The following CLSTN2 variants were observed in gnomAD, a reference collection of about 807,000 sequenced individuals.
The protein encoded by CLSTN2 is calsyntenin-2.
In CLSTN2, 48 loss-of-function variants were observed where a neutral mutation model predicts 101.2. That is an observed-to-expected ratio of 0.47 (90% CI 0.38 to 0.60). The LOEUF is 0.60. Ranked by LOEUF, CLSTN2 falls within the 20% of genes least tolerant of loss-of-function variation. The pLI, the probability that CLSTN2 is intolerant of heterozygous loss-of-function variation, is 0.00. For missense variants in CLSTN2, 1,160 were observed against 1,238.2 expected (o/e 0.94, Z 0.95); for synonymous variants, 481 against 463.6 (o/e 1.04, Z -0.48).
intron 8 of CLSTN2, among the ~76,000 whole-genome samples, chr3:140,485,286 C>A (rs1934213473): frequency 6.6e-6 from 1 of 152,186 alleles, no homozygotes; most frequent in Non-Finnish European, 1.5e-5. Flanking sequence ...TGGTGAACAG[C>A]AAATGTTGCT....
chr3:140,411,082 A>T (rs2088357879), intron 4 of CLSTN2, among the ~76,000 whole-genome samples: 1 of 152,214 alleles, frequency 6.6e-6, no homozygotes, highest in Admixed American at 6.5e-5. Flanking sequence ...TTAAGTCTTG[A>T]CCTATCAATA....
Position 140,562,836 on chromosome 3 carries a change from G to A in CLSTN2, c.2238G>A (p.Glu746=). 1 of 1,614,054 alleles carries A rather than the reference G, an allele frequency of 6.2e-7. No individual in the cohort carries two copies. Among genetic ancestry groups the A allele is most frequent in the Middle Eastern group, 1.7e-4 (1 of 5,990 alleles). ...GTGTGGGCTCCATGAGCCGCTATGA[G>A]CAGGTGCTACATCACATCCGCTACC... ...IYGVGSMSRY[E]QVLHHIRYRN... The change falls in exon 14 of 17, where the codon GAG becomes GAA. Residue 746 remains glutamate (E), a synonymous_variant. Transcript: ENST00000458420.
At chr3:140,139,762 A>G (rs2009668817) in intron 1 of CLSTN2, among the ~76,000 whole-genome samples, 5 of 152,226 alleles carry the variant, frequency 3.3e-5, no homozygotes, top group Admixed American at 3.3e-4. Flanking sequence ...AACCACTCAC[A>G]TTCTTATTGG....
chr3:140,225,800 A>G (rs1296663615), intron 2 of CLSTN2, among the ~76,000 whole-genome samples: 1 of 152,062 alleles, frequency 6.6e-6, no homozygotes, highest in African/African-American at 2.4e-5. Flanking sequence ...CGGCCTTGAC[A>G]CTGACATTTT....
chr3:140,575,837 T>C lies in CLSTN2; in HGVS notation c.*9584T>C, dbSNP rs1222362493. 6.6e-6 allele frequency: 1 copy of C among 152,134 alleles called. No individual in the cohort carries two copies. Among genetic ancestry groups the C allele is most frequent in the Non-Finnish European group, 1.5e-5 (1 of 68,018 alleles). The allele number at this position is 152,134 out of a possible 1,614,324, so 9.4% of individuals were successfully genotyped here. A position where few individuals can be genotyped will look rare whatever the true frequency, so the allele number is the denominator to read the frequency against. On this transcript the variant is annotated 3_prime_UTR_variant, in exon 17 of 17. Coordinates refer to ENST00000458420, the MANE Select transcript of CLSTN2 (RefSeq NM_022131.3). ...GTATATGTGTGCATATATGTGTACA[T>C]ATACACATACCCCAAAGCCATATAC...
chr3:140,265,275 G>A (rs1453830144), intron 2 of CLSTN2, among the ~76,000 whole-genome samples: 1 of 152,172 alleles, frequency 6.6e-6, no homozygotes, highest in Non-Finnish European at 1.5e-5. Context: ...ACAATTCCAA[G>A]TTGCAGGTGT....
chr3:140,418,293 C>T (rs1330575784), intron 4 of CLSTN2, among the ~76,000 whole-genome samples: 1 of 151,938 alleles, frequency 6.6e-6, no homozygotes, highest in East Asian at 1.9e-4. Flanking sequence ...TGCAAGCCCT[C>T]AGAACTGAGA....
intron 1 of CLSTN2, among the ~76,000 whole-genome samples, chr3:140,049,925 T>C (rs1002312991): frequency 6.6e-6 from 1 of 152,244 alleles, no homozygotes; most frequent in African/African-American, 2.4e-5. Context: ...CCCAGGATCC[T>C]GACCTCTACC....
At chr3:140,009,499 T>G (rs1247714732) in intron 1 of CLSTN2, among the ~76,000 whole-genome samples, 1 of 152,242 alleles carries the variant, frequency 6.6e-6, no homozygotes, top group Non-Finnish European at 1.5e-5. Flanking sequence ...TCAATAAATA[T>G]TTATTGAATT....
intron 8 of CLSTN2, among the ~76,000 whole-genome samples, chr3:140,500,109 A>G (rs1008614144): frequency 6.6e-6 from 1 of 151,872 alleles, no homozygotes; most frequent in African/African-American, 2.4e-5. Flanking sequence ...GAAAGATTGG[A>G]AATTAGGGAA....
intron 2 of CLSTN2, among the ~76,000 whole-genome samples, chr3:140,224,372 T>G (rs1389177874): frequency 6.6e-6 from 1 of 152,188 alleles, no homozygotes; most frequent in Non-Finnish European, 1.5e-5. Flanking sequence ...TCAATAAATA[T>G]TCTGGTTATT....
At chr3:140,088,289 T>G (rs1347258675) in intron 1 of CLSTN2, among the ~76,000 whole-genome samples, 1 of 152,228 alleles carries the variant, frequency 6.6e-6, no homozygotes, top group Non-Finnish European at 1.5e-5. Context: ...TATCTGAGAA[T>G]AGGATTTGTT....
intron 4 of CLSTN2, among the ~76,000 whole-genome samples, chr3:140,406,675 T>G (rs2088306113): frequency 1.3e-5 from 2 of 152,210 alleles, no homozygotes; most frequent in Admixed American, 6.5e-5. Flanking sequence ...TTCTTTGTAT[T>G]TTTCTCCTCT....
chr3:140,137,544 G>T (rs1233372291), intron 1 of CLSTN2, among the ~76,000 whole-genome samples: 1 of 152,090 alleles, frequency 6.6e-6, no homozygotes, highest in East Asian at 1.9e-4. Flanking sequence ...TAGACCCCAA[G>T]CTCTTGATGG....
intron 1 of CLSTN2, among the ~76,000 whole-genome samples, chr3:139,949,952 A>G (rs568599099): frequency 2.0e-5 from 3 of 152,212 alleles, no homozygotes; most frequent in Non-Finnish European, 4.4e-5. Flanking sequence ...GTGTGTGTAG[A>G]GGCAAGAAGG....
intron 1 of CLSTN2, among the ~76,000 whole-genome samples, chr3:140,139,571 C>T (rs369697576): frequency 1.3e-5 from 2 of 152,170 alleles, no homozygotes; most frequent in South Asian, 2.1e-4. Flanking sequence ...GCAACCTAGG[C>T]GTCTGGATTT....
In CLSTN2 at chr3:140,422,517, C is replaced by T. The variant is rs147079608; in HGVS notation, c.787+1243C>T. On this transcript the variant is annotated intron_variant, in intron 5 of 16. Transcript: ENST00000458420. ...CCCTAAAACTTAAAACTGAAAAGAT[C>T]GGAAGGGGTAATTTAACCCACCTCT... 1.5e-4 allele frequency among the ~76,000 whole-genome samples: 23 copies of T among 152,250 alleles called. No homozygotes were observed. The East Asian group carries it at 4.3e-3, about 28-fold the overall frequency.
intron 1 of CLSTN2, among the ~76,000 whole-genome samples, chr3:140,156,068 G>A (rs900421058): frequency 2.6e-5 from 4 of 151,904 alleles, no homozygotes; most frequent in African/African-American, 4.8e-5. Context: ...GGTGTATAAC[G>A]TTCTTTGCAT....
intron 1 of CLSTN2, among the ~76,000 whole-genome samples, chr3:139,964,046 G>C (rs566333685): frequency 1.3e-5 from 2 of 152,270 alleles, no homozygotes; most frequent in South Asian, 4.1e-4. Flanking sequence ...TCACACCACC[G>C]TTTGTGTCTC....
Sources: gnomAD v4.1 joint callset for allele counts (sites outside exome capture counted in the v4.1 genomes callset) on GRCh38, gnomAD v4.1.1 for gene constraint, MANE v1.5 for transcripts, NCBI Gene and HGNC (gene_info 2026-07-23, HGNC 2026-07-21) for gene names.